LSAMP: variants seen among roughly 807,000 people sequenced by gnomAD.
LSAMP encodes limbic system-associated membrane protein.
In LSAMP, 7 loss-of-function variants were observed where a neutral mutation model predicts 38.6. That is an observed-to-expected ratio of 0.18 (90% CI 0.10 to 0.34). LSAMP has a LOEUF of 0.34. LSAMP is among the 10% of genes least tolerant of loss of function. The pLI is 1.00. For missense variants in LSAMP, 313 were observed against 420.0 expected (o/e 0.75, Z 2.23); for synonymous variants, 154 against 166.8 (o/e 0.92, Z 0.59).
chr3:116,111,595 A>G (rs764526437), intron 1 of LSAMP, among the ~76,000 whole-genome samples: 1 of 150,736 alleles, frequency 6.6e-6, no homozygotes, highest in Non-Finnish European at 1.5e-5. Flanking sequence ...TCACCTTAGT[A>G]GTCTTTTTTT....
At chr3:116,177,105 G>C (rs1710366332) in intron 1 of LSAMP, among the ~76,000 whole-genome samples, 1 of 152,072 alleles carries the variant, frequency 6.6e-6, no homozygotes, top group African/African-American at 2.4e-5. Context: ...ATGAATGCTA[G>C]AAGTCCTTGG....
intron 1 of LSAMP, among the ~76,000 whole-genome samples, chr3:116,375,125 T>C (rs1017737461): frequency 6.6e-6 from 1 of 151,980 alleles, no homozygotes; most frequent in African/African-American, 2.4e-5. Context: ...GATTTTCAAA[T>C]GCATGCTATT....
At chr3:116,276,925 G>T (rs2047063138) in intron 1 of LSAMP, among the ~76,000 whole-genome samples, 1 of 152,168 alleles carries the variant, frequency 6.6e-6, no homozygotes, top group African/African-American at 2.4e-5. Flanking sequence ...GAACAGTATT[G>T]CAGTGCACTC....
chr3:116,139,312 C>A (rs113412525), intron 1 of LSAMP, among the ~76,000 whole-genome samples: 7 of 152,020 alleles, frequency 4.6e-5, no homozygotes, highest in African/African-American at 1.4e-4. Context: ...TGATCAGAAG[C>A]TTTTAAGACC....
chr3:115,869,621 C>G (rs1000373803), intron 3 of LSAMP, among the ~76,000 whole-genome samples: 1 of 152,060 alleles, frequency 6.6e-6, no homozygotes, highest in Non-Finnish European at 1.5e-5. Context: ...ATATGATGAA[C>G]AGTGCCCAGA....
chr3:115,865,465 C>G (rs1429716739), intron 3 of LSAMP, among the ~76,000 whole-genome samples: 2 of 152,080 alleles, frequency 1.3e-5, no homozygotes, highest in African/African-American at 4.8e-5. Flanking sequence ...AAAAAAGAAG[C>G]TATGTGAATC....
At chr3:116,358,350 T>C (rs34642483) in intron 1 of LSAMP, among the ~76,000 whole-genome samples, 23,757 of 152,092 alleles carry the variant, frequency 0.16, 2,198 homozygotes, top group African/African-American at 0.25. Context: ...TATAGTAATA[T>C]ACAGTATATA....
rs761579878 is a variant in LSAMP at position 116,161,868 on chromosome 3, T to G, written c.156-75312A>C. ...GGATCTGTGCTGGGAAGCATTTAGA[T>G]AAATGCTAGAAAACGCAGAGACAAA... is the stretch of plus-strand genomic sequence containing the variant. On this transcript the variant is annotated intron_variant, in intron 1 of 6. Transcript: ENST00000490035. 2.8e-4 allele frequency among the ~76,000 whole-genome samples: 43 copies of G among 152,150 alleles called. No homozygotes were observed. In the Middle Eastern group the frequency reaches 0.01, roughly 36 times the overall value.
intron 6 of LSAMP, among the ~76,000 whole-genome samples, chr3:115,814,898 C>A (rs961085112): frequency 3.9e-5 from 6 of 152,178 alleles, no homozygotes; most frequent in Admixed American, 1.3e-4. Context: ...TCTAGCCCAG[C>A]GGACTAAGGC....
chr3:116,318,770 A>G (rs1303087343), intron 1 of LSAMP, among the ~76,000 whole-genome samples: 1 of 152,344 alleles, frequency 6.6e-6, no homozygotes, highest in East Asian at 1.9e-4. Flanking sequence ...ATTTTCTCTG[A>G]AAGTAGAAGT....
intron 1 of LSAMP, among the ~76,000 whole-genome samples, chr3:116,148,916 A>G (rs1709548246): frequency 6.6e-6 from 1 of 152,050 alleles, no homozygotes; most frequent in South Asian, 2.1e-4. Flanking sequence ...ACAGAAGTCA[A>G]TAGAGAAAAT....
At chr3:116,242,898 A>T (rs1038257991) in intron 1 of LSAMP, among the ~76,000 whole-genome samples, 6 of 152,212 alleles carry the variant, frequency 3.9e-5, no homozygotes, top group African/African-American at 1.4e-4. Flanking sequence ...AAGATTCTTT[A>T]TCCTGAAGTA....
chr3:116,074,774 C>T (rs1707696166), intron 2 of LSAMP, among the ~76,000 whole-genome samples: 1 of 151,104 alleles, frequency 6.6e-6, no homozygotes. Flanking sequence ...CCATGTTTGC[C>T]ATTTCCATGT....
intron 1 of LSAMP, among the ~76,000 whole-genome samples, chr3:116,299,965 C>G (rs142859860): frequency 6.6e-6 from 1 of 152,162 alleles, no homozygotes; most frequent in East Asian, 1.9e-4. Flanking sequence ...AAAAAGGCTT[C>G]ACTTAGGCCT....
intron 1 of LSAMP, among the ~76,000 whole-genome samples, chr3:116,121,435 A>G (rs1229149616): frequency 1.3e-5 from 2 of 152,208 alleles, no homozygotes; most frequent in East Asian, 1.9e-4. Flanking sequence ...AAACTTTCTT[A>G]TAAATCTTTA....
At chr3:116,283,186 A>G (rs968261748) in intron 1 of LSAMP, among the ~76,000 whole-genome samples, 109 of 150,772 alleles carry the variant, frequency 7.2e-4, no homozygotes, top group Admixed American at 8.6e-4. Context: ...GAAAGAGAGG[A>G]AAAAAAAAGT....
intron 1 of LSAMP, among the ~76,000 whole-genome samples, chr3:116,423,246 AAATG>A (rs545797690): frequency 1.3e-5 from 2 of 152,312 alleles, no homozygotes; most frequent in African/African-American, 2.4e-5. Flanking sequence ...AACAGAAGGA[AAATG>A]GTATTTCCTC....
chr3:116,399,796 A>G (rs1052403344), intron 1 of LSAMP, among the ~76,000 whole-genome samples: 2 of 152,128 alleles, frequency 1.3e-5, no homozygotes, highest in Non-Finnish European at 2.9e-5. Context: ...TGAATTGTCA[A>G]CTCTGACATC....
intron 1 of LSAMP, among the ~76,000 whole-genome samples, chr3:116,385,972 T>A (rs2048621488): frequency 6.6e-6 from 1 of 152,066 alleles, no homozygotes; most frequent in Non-Finnish European, 1.5e-5. Flanking sequence ...ATTTACAGAG[T>A]AACCATGGGC....
Sources: allele counts gnomAD v4.1 joint callset (sites outside exome capture counted in the v4.1 genomes callset), GRCh38; gene constraint gnomAD v4.1.1; transcripts MANE v1.5; gene names NCBI Gene and HGNC (gene_info 2026-07-23, HGNC 2026-07-21).